The following USP45 variants were observed in gnomAD, a reference collection of about 807,000 sequenced individuals.
USP45 encodes the protein ubiquitin carboxyl-terminal hydrolase 45.
A neutral mutation model predicts 95.8 loss-of-function variants in USP45; 89 were observed. The observed-to-expected ratio is 0.93, with a 90% CI of 0.78 to 1.11. The LOEUF is 1.11. Among genes scored for constraint, USP45 ranks in the 50% least tolerant of loss-of-function variants. The pLI is 0.00. For missense variants in USP45, 898 were observed against 942.5 expected, an observed-to-expected ratio of 0.95 and a Z score of 0.62; for synonymous variants, 281 against 316.2, an observed-to-expected ratio of 0.89 and a Z score of 1.18.
At chr6:99,470,467 A>T (rs1190585878) in intron 9 of USP45, among the ~76,000 whole-genome samples, 2 of 152,240 alleles carry the variant, frequency 1.3e-5, no homozygotes, top group African/African-American at 4.8e-5. Flanking sequence ...ACTGTCCTCA[A>T]GCATATTTTG....
chr6:99,480,123 T>C (rs565968716), intron 8 of USP45, among the ~76,000 whole-genome samples: 18 of 152,242 alleles, frequency 1.2e-4, no homozygotes, highest in Non-Finnish European at 1.6e-4. Flanking sequence ...CAATTGGAAA[T>C]TGAATTCTTT....
chr6:99,513,720 A>C (rs1478498899), intron 1 of USP45, among the ~76,000 whole-genome samples: 17 of 152,188 alleles, frequency 1.1e-4, no homozygotes, highest in Non-Finnish European at 2.2e-4. Context: ...ATTTCTGATG[A>C]TTTTTCTGCC....
At chr6:99,459,405 T>G (rs1165952351) in intron 13 of USP45, among the ~76,000 whole-genome samples, 3 of 152,228 alleles carry the variant, frequency 2.0e-5, no homozygotes, top group African/African-American at 7.2e-5. Context: ...TTTAGGTTGA[T>G]TCCATGTCTT....
intron 16 of USP45, among the ~76,000 whole-genome samples, chr6:99,437,962 CA>C (rs1780818147): frequency 1.3e-5 from 2 of 152,178 alleles, no homozygotes; most frequent in Non-Finnish European, 2.9e-5. Flanking sequence ...CTGGCCTATG[CA>C]GGGATATTTC....
At position 99,446,166 on chromosome 6, in the gene USP45, G is replaced by A. The variant is rs762757717; in HGVS notation, c.1606C>T (p.Pro536Ser). 1.4e-4 allele frequency: 221 copies of A among 1,613,956 alleles called. No homozygotes were observed. The highest frequency in any genetic ancestry group is 1.7e-4 in the Non-Finnish European group (203 of 1,180,032). ...SGVQPDGPLY[P>S]LSAGKLLYTK... Reference sequence around the variant, plus strand: ...TACAGCAGTTTACCTGCTGACAGAGGGTAAAGGGGTCCATCTGGCTGCACA... The same window carrying A: ...TACAGCAGTTTACCTGCTGACAGAGAGTAAAGGGGTCCATCTGGCTGCACA... Residue 536 changes from proline to serine, a missense_variant, in exon 14 of 18, where the codon CCT (proline) becomes TCT (serine). By Grantham distance (74) the Pro-to-Ser change is moderately conservative. Transcript: ENST00000500704.
intron 8 of USP45, among the ~76,000 whole-genome samples, chr6:99,481,289 A>T (rs1344347680): frequency 6.6e-6 from 1 of 152,238 alleles, no homozygotes; most frequent in Non-Finnish European, 1.5e-5. Context: ...ATGTCTGTGT[A>T]TGTATGATCA....
chr6:99,513,696 G>A (rs1468405110), intron 1 of USP45, among the ~76,000 whole-genome samples: 1 of 152,098 alleles, frequency 6.6e-6, no homozygotes, highest in African/African-American at 2.4e-5. Context: ...AATTAACTTG[G>A]TAATGTAGAG....
In USP45 at chr6:99,437,373, G is replaced by A; in HGVS notation, c.2187C>T (p.Leu729=). The A allele has an allele frequency of 3.1e-6, 5 of 1,604,068 alleles. No individual in the cohort carries two copies. The highest frequency in any genetic ancestry group is 4.2e-6 in the Non-Finnish European group (5 of 1,177,336). ...CKNASVGDKV[L]YGLYGIVEHS... is the part of the protein sequence containing the mutation. ...GTTCCACTATGCCATAGAGACCGTA[G>A]AGAACTTTATCTCCCACACTTGCAT... The change falls in exon 17 of 18, where the codon CTC becomes CTT. Residue 729 remains leucine, a synonymous_variant. Coordinates refer to ENST00000500704, the MANE Select transcript of USP45 (RefSeq NM_001346022.3).
chr6:99,497,853 A>G (rs531151766), intron 5 of USP45, among the ~76,000 whole-genome samples: 1 of 152,224 alleles, frequency 6.6e-6, no homozygotes, highest in African/African-American at 2.4e-5. Context: ...ACTTGCCTGA[A>G]CCTATCGAGC....
At chr6:99,492,500 T>G (rs1309729753) in intron 5 of USP45, among the ~76,000 whole-genome samples, 1 of 152,164 alleles carries the variant, frequency 6.6e-6, no homozygotes, top group African/African-American at 2.4e-5. Context: ...AATAGAATTT[T>G]TTTTTTTTTT....
In USP45 at chr6:99,439,932, G is replaced by C; in HGVS notation, c.2074-77C>G. ...GTCTTTGTTAACTAAAACCAAAAGAGAAATTGTAGGACTTAGTTTTTTCAT... is the reference window on the plus strand; with the variant it reads ...GTCTTTGTTAACTAAAACCAAAAGACAAATTGTAGGACTTAGTTTTTTCAT... On this transcript the variant is annotated intron_variant, in intron 15 of 17. Transcript: ENST00000500704. 3.6e-6 allele frequency: 4 copies of C among 1,096,808 alleles called. No individual in the cohort carries two copies. The South Asian group carries it at 6.9e-5, about 19-fold the overall frequency. 67.9% of individuals were successfully genotyped at this position (1,096,808 alleles called of 1,614,324 possible).
At chr6:99,447,996 A>C (rs1216477142) in intron 13 of USP45, among the ~76,000 whole-genome samples, 2 of 152,230 alleles carry the variant, frequency 1.3e-5, no homozygotes, top group Non-Finnish European at 2.9e-5. Context: ...TGACTGTTAG[A>C]AGGAAAACTA....
chr6:99,443,327 C>G (rs1397983641), intron 15 of USP45, among the ~76,000 whole-genome samples: 3 of 152,192 alleles, frequency 2.0e-5, no homozygotes, highest in African/African-American at 7.2e-5. Context: ...ACCACACAAA[C>G]ACACACAGAG....
chr6:99,440,691 C>G (rs2128534072), intron 15 of USP45, among the ~76,000 whole-genome samples: 1 of 152,232 alleles, frequency 6.6e-6, no homozygotes, highest in South Asian at 2.1e-4. Flanking sequence ...AAACAAAAAA[C>G]CCTTTTTTTT....
intron 4 of USP45, among the ~76,000 whole-genome samples, chr6:99,505,984 T>C (rs565490394): frequency 6.6e-6 from 1 of 152,326 alleles, no homozygotes; most frequent in East Asian, 1.9e-4. Flanking sequence ...ATCATTTATA[T>C]ATTAAGTTCC....
chr6:99,478,807 C>A (rs1198506085), intron 8 of USP45, among the ~76,000 whole-genome samples: 1 of 152,150 alleles, frequency 6.6e-6, no homozygotes, highest in Non-Finnish European at 1.5e-5. Context: ...GAAGACCTTG[C>A]TCCCAAATAA....
chr6:99,497,588 T>C (rs370216952), intron 5 of USP45, among the ~76,000 whole-genome samples: 1 of 152,226 alleles, frequency 6.6e-6, no homozygotes, highest in Middle Eastern at 3.2e-3. Flanking sequence ...CTTAGTCATA[T>C]GATAAATTGA....
intron 17 of USP45, among the ~76,000 whole-genome samples, chr6:99,436,245 A>G (rs1403578340): frequency 1.3e-5 from 2 of 151,460 alleles, no homozygotes; most frequent in East Asian, 1.9e-4. Flanking sequence ...CATTAATATT[A>G]TAGGTATAAT....
chr6:99,484,955 C>T lies in USP45; in HGVS notation c.715-2072G>A, dbSNP rs192251437. Among the ~76,000 whole-genome samples the T allele has an allele frequency of 2.0e-5, 3 of 152,168 alleles. No individual in the cohort carries two copies. The East Asian group carries it at 5.8e-4, about 29-fold the overall frequency. ...TTTAAACTTCAAGTACCAAGTTGCA[C>T]TTCCCTTTTCTCAATGAAAATATTT... On this transcript the variant is annotated intron_variant, in intron 7 of 17. Transcript: ENST00000500704.
Sources: allele counts gnomAD v4.1 joint callset (sites outside exome capture counted in the v4.1 genomes callset), GRCh38; gene constraint gnomAD v4.1.1; transcripts MANE v1.5; gene names NCBI Gene and HGNC (gene_info 2026-07-23, HGNC 2026-07-21).